RTBDN: variants seen among roughly 807,000 people sequenced by gnomAD.
RTBDN encodes the protein retbindin.
A neutral mutation model predicts 21.9 loss-of-function variants in RTBDN; 24 were observed. The ratio of observed to expected loss-of-function variants is 1.10; its 90% confidence interval spans 0.79 to 1.54. The LOEUF is 1.54. RTBDN is among the 40% of genes most tolerant of loss of function. RTBDN has a pLI of 0.00. For synonymous variants in RTBDN, 141 were observed against 125.9 expected (o/e 1.12, Z -0.80); for missense variants, 325 against 315.2 (o/e 1.03, Z -0.23).
intron 3 of RTBDN, 34 bp from the exon 4 acceptor site, chr19:12,828,801 A>G: frequency 3.7e-6 from 6 of 1,613,432 alleles, no homozygotes; most frequent in Non-Finnish European, 5.1e-6. Context: ...CGGATGGGTC[A>G]GGACCCGAGG....
rs139176260 is a variant in RTBDN, at chr19:12,829,836, C to A, written c.144G>T (p.Leu48=). ...SQQHHGLAAD[L]GKGKLHLAGP... The stretch of plus-strand genomic sequence containing the variant: ...CTGCCAGGTGCAGCTTGCCTTTGCC[C>A]AGATCAGCTGCCAGCCCATGGTGTT... Residue 48 remains leucine, a synonymous_variant, in exon 2 of 6, where the codon CTG becomes CTT. Transcript: ENST00000674343. 1 of 1,613,330 alleles carries A rather than the reference C, an allele frequency of 6.2e-7. No homozygotes were observed. The highest frequency in any genetic ancestry group is 8.5e-7 in the Non-Finnish European group (1 of 1,179,462).
At position 12,834,570 on chromosome 19, in the gene RTBDN, C is replaced by G; in HGVS notation, c.-100G>C. ...TTTCTCACTCTTCATTCCACCTCCT[C>G]CACTACAACATCCGCCCCCCCACCG... On this transcript the variant is annotated 5_prime_UTR_variant, in exon 1 of 6. Transcript: ENST00000674343. The surrounding 1 kb of genome is among the most constrained non-coding windows in gnomAD (Gnocchi z 4.7). The G allele has an allele frequency of 6.6e-7, 1 of 1,525,112 alleles. No individual in the cohort carries two copies. Among genetic ancestry groups the G allele is most frequent in the Non-Finnish European group, 8.8e-7 (1 of 1,138,338 alleles). The allele number at this position is 1,525,112 out of a possible 1,614,324, so 94.5% of individuals were successfully genotyped here.
upstream of RTBDN, chr19:12,835,109 C>A: frequency 6.2e-7 from 1 of 1,612,914 alleles, no homozygotes; most frequent in East Asian, 2.2e-5. Context: ...TTCTAGACTC[C>A]CCTAATCCAT....
chr19:12,826,969 C>T (rs777139423), intron 4 of RTBDN, 98 bp from the exon 5 acceptor site: 4 of 813,212 alleles, frequency 4.9e-6, no homozygotes, highest in South Asian at 1.5e-5. Flanking sequence ...GCCCCCACCT[C>T]GGATCCAGGC....
In RTBDN at chr19:12,826,306, G is replaced by T. The variant is rs1481705728; in HGVS notation, c.463-373C>A. The stretch of plus-strand genomic sequence containing the variant: ...ACTTCGAGAGCTTTTGGGGTCAAAG[G>T]GCACAACCCAGTAGGAGGTTGGGCT... On this transcript the variant is annotated intron_variant, in intron 5 of 5. Transcript: ENST00000674343. 8.2e-6 allele frequency: 10 copies of T among 1,218,844 alleles called. No individual in the cohort carries two copies. In the South Asian group the frequency reaches 9.6e-5, roughly 12 times the overall value. The allele number at this position is 1,218,844 out of a possible 1,614,324, so 75.5% of individuals were successfully genotyped here. A position where few individuals can be genotyped will look rare whatever the true frequency, so the allele number is the denominator to read the frequency against.
rs553695119 is a variant in RTBDN, at chr19:12,834,496, G to C, written c.-26C>G. The C allele has an allele frequency of 1.3e-5, 20 of 1,535,188 alleles. No individual in the cohort carries two copies. Among genetic ancestry groups the C allele is most frequent in the Admixed American group, 1.2e-4 (6 of 50,990 alleles). ...CCTGCGTCCCCCACGCACCTGCCTG[G>C]CCATCAGGATTCTTCCTACTGCCCT... is the stretch of plus-strand genomic sequence containing the variant. On this transcript the variant is annotated 5_prime_UTR_variant, in exon 1 of 6. Transcript: ENST00000674343. The surrounding 1 kb of genome is among the most constrained non-coding windows in gnomAD (Gnocchi z 4.7).
chr19:12,825,806 C>T lies in RTBDN; in HGVS notation c.590G>A (p.Arg197Gln). ...ACGCCGGGAGGGAGCTTCCCGGCCC[C>T]GTCGTCCTGGTCTGGGACGAGGTAC... Reference protein sequence around the residue: ...SAVPRPRPGRRGREAPSRRSR... With the variant: ...SAVPRPRPGRQGREAPSRRSR... The change falls in exon 6 of 6, where the codon CGG becomes CAG. Residue 197 changes from arginine (R) to glutamine (Q), a missense_variant. Arg to Gln is a conservative substitution (Grantham distance 43). Coordinates refer to ENST00000674343, the MANE Select transcript of RTBDN (RefSeq NM_001270441.2). 2 of 1,612,116 alleles carry T rather than the reference C, an allele frequency of 1.2e-6. No homozygotes were observed.
In RTBDN at chr19:12,825,921, C is replaced by G. The variant is rs537117488; in HGVS notation, c.475G>C (p.Gly159Arg). 27 of 1,589,112 alleles carry G rather than the reference C, an allele frequency of 1.7e-5. No individual in the cohort carries two copies. The highest frequency in any genetic ancestry group is 1.4e-4 in the Admixed American group (8 of 57,050). Reference sequence around the variant, plus strand: ...AGAGCCGAGCGACAAAGGTCCGTCCCGTCTGCGAAGGTCTAGGAAAAAGTG... The same window carrying G: ...AGAGCCGAGCGACAAAGGTCCGTCCGGTCTGCGAAGGTCTAGGAAAAAGTG... ...CLTYGQTFAD[G>R]TDLCRSALGH... Residue 159 changes from glycine to arginine, a missense_variant, in exon 6 of 6, where the codon GGG becomes CGG. Gly to Arg is a moderately radical substitution (Grantham distance 125). Coordinates refer to ENST00000674343, the MANE Select transcript of RTBDN (RefSeq NM_001270441.2).
At chr19:12,829,528 CA>C (rs1244874541) in intron 2 of RTBDN, among the ~76,000 whole-genome samples, 1 of 152,168 alleles carries the variant, frequency 6.6e-6, no homozygotes, top group Non-Finnish European at 1.5e-5. Context: ...TTAATCTTAA[CA>C]ACAGCTCTGC....
upstream of RTBDN, chr19:12,834,655 C>A (rs1969696010): frequency 1.3e-6 from 2 of 1,535,660 alleles, no homozygotes; most frequent in Admixed American, 3.8e-5. This position sits in a 1 kb window ranked among gnomAD's most constrained non-coding sequence, Gnocchi z 4.7. Context: ...CTCCTTGCAG[C>A]CTTAGAAGAT....
chr19:12,828,723 C>A lies in RTBDN; in HGVS notation c.299G>T (p.Arg100Leu). Residue 100 changes from arginine to leucine, a missense_variant, in exon 4 of 6, where the codon CGC (arginine) becomes CTC (leucine). Physicochemically the swap from Arg to Leu is moderately radical, Grantham distance 102. Transcript: ENST00000674343. ...TACCCCCAATAGCCGCAGGCGGAAG[C>A]GACTGCGAAGGGCACGTTGGAGGTG... ...LEHLQRALRS[R>L]FRLRLLGVRQ... The A allele has an allele frequency of 6.2e-7, 1 of 1,614,210 alleles. No homozygotes were observed. Among genetic ancestry groups the A allele is most frequent in the Non-Finnish European group, 8.5e-7 (1 of 1,180,040 alleles).
At position 12,826,565 on chromosome 19, in the gene RTBDN, G is replaced by A. The variant is rs1286431492; in HGVS notation, c.462+210C>T. ...AAAAATTAGCTGGGCATGGTGGCAT[G>A]CGCCTGAAATCCCAGCTATTCGGGA... On this transcript the variant is annotated intron_variant, in intron 5 of 5. Coordinates refer to ENST00000674343, the MANE Select transcript of RTBDN (RefSeq NM_001270441.2). The A allele has an allele frequency of 1.7e-5, 12 of 711,614 alleles. No individual in the cohort carries two copies. In the South Asian group the frequency reaches 2.3e-4, roughly 13 times the overall value. 44.1% of individuals were successfully genotyped at this position (711,614 alleles called of 1,614,324 possible).
chr19:12,834,969 T>C (rs1969706493), upstream of RTBDN: 5 of 1,535,102 alleles, frequency 3.3e-6, no homozygotes, highest in East Asian at 6.7e-5. The surrounding 1 kb of genome is among the most constrained non-coding windows in gnomAD (Gnocchi z 4.7). Context: ...CTGAGCCTCC[T>C]TGGGGCTCAG....
In RTBDN at chr19:12,828,014, A is replaced by T. The variant is rs547099305; in HGVS notation, c.365+643T>A. Among the ~76,000 whole-genome samples the T allele has an allele frequency of 1.2e-4, 18 of 150,130 alleles. 1 individual carries two copies. The South Asian group carries it at 3.6e-3, about 30-fold the overall frequency. ...ATGCTGAGGCGGGAGAATCACTTGA[A>T]CCCAGGAGGCTGAGGTTGCAGTGAG... On this transcript the variant is annotated intron_variant, in intron 4 of 5. Transcript: ENST00000674343.
At chr19:12,833,948 A>C (rs1969669726) in intron 1 of RTBDN, 2 of 381,850 alleles carry the variant, frequency 5.2e-6, no homozygotes, top group African/African-American at 2.1e-5. Context: ...CCCCGGGCCG[A>C]AGTCGCCGCC....
chr19:12,830,098 A>G lies in RTBDN; in HGVS notation c.-18-101T>C. 7.2e-7 allele frequency: 1 copy of G among 1,396,258 alleles called. No individual in the cohort carries two copies. Among genetic ancestry groups the G allele is most frequent in the Non-Finnish European group, 9.7e-7 (1 of 1,032,250 alleles). 86.5% of individuals were successfully genotyped at this position (1,396,258 alleles called of 1,614,324 possible). ...AAGCAGTGCCAGGCAGAGTAGGGAA[A>G]GTGCAGCTGAGGAGGAGGCTGGGGC... is the stretch of plus-strand genomic sequence containing the variant. On this transcript the variant is annotated intron_variant, in intron 1 of 5. Coordinates refer to ENST00000674343, the MANE Select transcript of RTBDN (RefSeq NM_001270441.2). The surrounding 1 kb of genome is among the most constrained non-coding windows in gnomAD (Gnocchi z 4.2).
At position 12,828,883 on chromosome 19, in the gene RTBDN, T is replaced by C. The variant is rs1969436781; in HGVS notation, c.240A>G (p.Gly80=). ...SGPGNHPERC[G]VPSPECESFL... is the part of the protein sequence containing the mutation. Reference sequence around the variant, plus strand: ...GCTGTACTCACTCAGGGCTCGGCACTCCACAGCGTTCTGGATGGTTTCCAG... The same window carrying C: ...GCTGTACTCACTCAGGGCTCGGCACCCCACAGCGTTCTGGATGGTTTCCAG... Residue 80 remains glycine, a synonymous_variant, in exon 3 of 6, where the codon GGA becomes GGG. Coordinates refer to ENST00000674343, the MANE Select transcript of RTBDN (RefSeq NM_001270441.2). 1 of 1,614,182 alleles carries C rather than the reference T, an allele frequency of 6.2e-7. No homozygotes were observed. The highest frequency in any genetic ancestry group is 1.7e-5 in the Admixed American group (1 of 60,006).
chr19:12,827,578 C>T (rs1790603122), intron 4 of RTBDN, among the ~76,000 whole-genome samples: 1 of 151,932 alleles, frequency 6.6e-6, no homozygotes, highest in Non-Finnish European at 1.5e-5. Context: ...CCACCTTGGC[C>T]TCCCAAAGTG....
At chr19:12,834,764 T>C, upstream of RTBDN, 1 of 1,613,068 alleles carries the variant, frequency 6.2e-7, no homozygotes, top group Non-Finnish European at 8.5e-7. This position sits in a 1 kb window ranked among gnomAD's most constrained non-coding sequence, Gnocchi z 4.7. Flanking sequence ...GGGGACAAAC[T>C]CAGGTGTCAG....
Sources: gnomAD v4.1 joint callset for allele counts (sites outside exome capture counted in the v4.1 genomes callset) on GRCh38, gnomAD v4.1.1 for gene constraint, Gnocchi (gnomAD v3.1) non-coding constraint, MANE v1.5 for transcripts, NCBI Gene and HGNC (gene_info 2026-07-23, HGNC 2026-07-21) for gene names.